IL1RAPL1: variants seen among roughly 807,000 people sequenced by gnomAD.
IL1RAPL1 encodes interleukin-1 receptor accessory protein-like 1.
Under a neutral mutation model 48.4 loss-of-function variants are expected in IL1RAPL1, and 3 were observed. The ratio of observed to expected loss-of-function variants is 0.06; its 90% CI spans 0.03 to 0.16. The LOEUF is 0.16. Ranked by LOEUF, IL1RAPL1 falls within the 10% of genes least tolerant of loss-of-function variation. IL1RAPL1 has a pLI of 1.00. For synonymous variants in IL1RAPL1, 185 were observed against 187.7 expected, an observed-to-expected ratio of 0.99 and a Z score of 0.12; for missense variants, 349 against 530.6, an observed-to-expected ratio of 0.66 and a Z score of 3.36.
chrX:28,897,898 C>A (rs144684941), intron 2 of IL1RAPL1, among the ~76,000 whole-genome samples: 3 of 110,517 alleles, frequency 2.7e-5, no homozygotes, highest in East Asian at 2.9e-4. Flanking sequence ...TGTTCTCTGG[C>A]GGGCAGGAGT....
intron 8 of IL1RAPL1, among the ~76,000 whole-genome samples, chrX:29,930,158 C>T (rs1256083190): frequency 8.9e-6 from 1 of 112,007 alleles, no homozygotes; most frequent in Non-Finnish European, 1.9e-5. Flanking sequence ...TGATTGACTC[C>T]ACGTTTTATG....
intron 2 of IL1RAPL1, among the ~76,000 whole-genome samples, chrX:29,100,223 A>G (rs1438149147): frequency 8.9e-6 from 1 of 111,863 alleles, no homozygotes; most frequent in Admixed American, 9.5e-5. Flanking sequence ...AAAAATAAAT[A>G]AATAAAAACT....
In IL1RAPL1 at chrX:29,201,167, A is replaced by G. The variant is rs1285099094; in HGVS notation, c.83-81771A>G. Reference sequence around the variant, plus strand: ...TCCAATGCCTAGAGTCTATAATTCTATCTTTCATCCTATTAGATATCATAA... The same window carrying G: ...TCCAATGCCTAGAGTCTATAATTCTGTCTTTCATCCTATTAGATATCATAA... On this transcript the variant is annotated intron_variant, in intron 2 of 10. Transcript: ENST00000378993. 1.7e-4 allele frequency among the ~76,000 whole-genome samples: 19 copies of G among 111,692 alleles called. No individual in the cohort carries two copies. In the East Asian group the frequency reaches 4.2e-3, roughly 24 times the overall value.
intron 2 of IL1RAPL1, among the ~76,000 whole-genome samples, chrX:28,876,655 A>C (rs1423024219): frequency 9.0e-6 from 1 of 111,103 alleles, no homozygotes; most frequent in Non-Finnish European, 1.9e-5. Flanking sequence ...TGAATTTAGA[A>C]TTGGCAGCAA....
At chrX:29,758,706 A>AT (rs1555917369) in intron 6 of IL1RAPL1, among the ~76,000 whole-genome samples, 7,427 of 107,028 alleles carry the variant, frequency 0.069, 286 homozygotes, top group Middle Eastern at 0.22. Context: ...AAAAAAAAAA[A>AT]AATAATAATA....
rs141836325 is a variant in IL1RAPL1, at chrX:29,567,698, T to C, written c.704-100732T>C. Among the ~76,000 whole-genome samples, 274 of 111,877 alleles carry C rather than the reference T, an allele frequency of 2.4e-3. 1 individual carries two copies. The highest frequency in any genetic ancestry group is 6.3e-3 in the South Asian group (17 of 2,684). Reference sequence around the variant, plus strand: ...TAATTGGAAGCCTTGGAACCCTATGTAGGCTGACATAGAAAGCAATGTAAA... The same window carrying C: ...TAATTGGAAGCCTTGGAACCCTATGCAGGCTGACATAGAAAGCAATGTAAA... On this transcript the variant is annotated intron_variant, in intron 5 of 10. Transcript: ENST00000378993.
At chrX:29,392,276 G>A (rs1468398658) in intron 3 of IL1RAPL1, among the ~76,000 whole-genome samples, 5 of 112,361 alleles carry the variant, frequency 4.4e-5, no homozygotes, top group African/African-American at 1.6e-4. Flanking sequence ...CATAAGTCCT[G>A]TAGGAGCATT....
At chrX:29,208,097 G>A (rs763188728) in intron 2 of IL1RAPL1, among the ~76,000 whole-genome samples, 18 of 111,565 alleles carry the variant, frequency 1.6e-4, no homozygotes, top group Non-Finnish European at 2.8e-4. Context: ...GTAAGCAACA[G>A]AGATATGTTA....
chrX:28,675,231 C>T (rs1338984685), intron 1 of IL1RAPL1, among the ~76,000 whole-genome samples: 1 of 112,124 alleles, frequency 8.9e-6, no homozygotes, highest in Non-Finnish European at 1.9e-5. Flanking sequence ...TTTAGACTTA[C>T]ACATTTTAAA....
intron 2 of IL1RAPL1, among the ~76,000 whole-genome samples, chrX:28,957,258 A>G (rs1474551380): frequency 8.9e-6 from 1 of 111,812 alleles, no homozygotes; most frequent in Non-Finnish European, 1.9e-5. Flanking sequence ...CAATGTGCAC[A>G]TGTACCCTAA....
intron 2 of IL1RAPL1, among the ~76,000 whole-genome samples, chrX:29,120,629 T>G (rs1340141430): frequency 7.1e-5 from 8 of 111,944 alleles, no homozygotes; most frequent in Non-Finnish European, 1.3e-4. Flanking sequence ...TGAGGCTATT[T>G]TTTGGGTTCC....
chrX:29,913,423 T>C (rs751181923), intron 6 of IL1RAPL1, among the ~76,000 whole-genome samples: 11 of 74,468 alleles, frequency 1.5e-4, no homozygotes, highest in South Asian at 9.3e-4. Context: ...CACATATATG[T>C]ATACATATAT....
At chrX:29,918,002 T>C (rs1443940497) in intron 7 of IL1RAPL1, among the ~76,000 whole-genome samples, 1 of 99,040 alleles carries the variant, frequency 1.0e-5, no homozygotes, top group Non-Finnish European at 2.0e-5. Flanking sequence ...GCGTGCCTAT[T>C]GTCCGGGCTA....
At chrX:28,840,250 A>G (rs1441543267) in intron 2 of IL1RAPL1, among the ~76,000 whole-genome samples, 1 of 111,335 alleles carries the variant, frequency 9.0e-6, no homozygotes, top group Non-Finnish European at 1.9e-5. Flanking sequence ...GGCATTTCGT[A>G]TAACCGTAGT....
rs747325139 is a variant in IL1RAPL1, at chrX:29,472,469, A to G, written c.703+73161A>G. 3.6e-5 allele frequency among the ~76,000 whole-genome samples: 4 copies of G among 112,107 alleles called. No individual in the cohort carries two copies. In the South Asian group the frequency reaches 1.5e-3, roughly 42 times the overall value. On this transcript the variant is annotated intron_variant, in intron 5 of 10. Transcript: ENST00000378993. ...CTTTTAACTACAAATTTATGTTTAT[A>G]AGTTAGATTTTGGAACTGTATACCT...
intron 6 of IL1RAPL1, among the ~76,000 whole-genome samples, chrX:29,670,598 A>G (rs1926114725): frequency 8.9e-6 from 1 of 112,197 alleles, no homozygotes; most frequent in Non-Finnish European, 1.9e-5. Context: ...CTACTTTGCT[A>G]GCATTGCTAG....
At position 29,326,589 on chromosome X, in the gene IL1RAPL1, A is replaced by G. The variant is rs755269990; in HGVS notation, c.362+43372A>G. On this transcript the variant is annotated intron_variant, in intron 3 of 10. Transcript: ENST00000378993. ...ATGTCATAGCCCTCATTATTTCATT[A>G]AATGAAGAGCTGAAAAAGAGATAAT... Among the ~76,000 whole-genome samples the G allele has an allele frequency of 5.3e-5, 6 of 112,605 alleles. No individual in the cohort carries two copies. In the East Asian group the frequency reaches 1.7e-3, roughly 31 times the overall value.
In IL1RAPL1 at chrX:29,316,347, A is replaced by G. The variant is rs763057159; in HGVS notation, c.362+33130A>G. Among the ~76,000 whole-genome samples, 10 of 112,099 alleles carry G rather than the reference A, an allele frequency of 8.9e-5. No homozygotes were observed. The South Asian group carries it at 3.7e-3, about 41-fold the overall frequency. On this transcript the variant is annotated intron_variant, in intron 3 of 10. Coordinates refer to ENST00000378993, the MANE Select transcript of IL1RAPL1 (RefSeq NM_014271.4). ...CGATTTTGAAGATGACCTCGAGGTC[A>G]TCCAAACTTCCCTCTTTCCTCATTG... is the stretch of plus-strand genomic sequence containing the variant.
At chrX:29,200,385 C>A (rs1930531952) in intron 2 of IL1RAPL1, among the ~76,000 whole-genome samples, 1 of 111,233 alleles carries the variant, frequency 9.0e-6, no homozygotes, top group African/African-American at 3.3e-5. Flanking sequence ...AGTTTCTACT[C>A]AAAAAAGTGA....
Sources: allele counts gnomAD v4.1 joint callset (sites outside exome capture counted in the v4.1 genomes callset), GRCh38; gene constraint gnomAD v4.1.1; transcripts MANE v1.5; gene names NCBI Gene and HGNC (gene_info 2026-07-23, HGNC 2026-07-21).